Variants in ALPK2 observed in about 807,000 individuals in gnomAD.
ALPK2 encodes the protein alpha-protein kinase 2.
ALPK2 carries 127 observed loss-of-function variants against 163.1 expected under a neutral mutation model. That is an observed-to-expected ratio of 0.78 (90% CI 0.67 to 0.90). The LOEUF (loss-of-function observed/expected upper bound fraction) is 0.90. Ranked by LOEUF, ALPK2 falls within the 40% of genes least tolerant of loss-of-function variation. The pLI is 0.00. For missense variants in ALPK2, 2,360 were observed against 2,589.6 expected, an observed-to-expected ratio of 0.91 and a Z score of 1.92; for synonymous variants, 953 against 959.1, an observed-to-expected ratio of 0.99 and a Z score of 0.12.
intron 12 of ALPK2, among the ~76,000 whole-genome samples, chr18:58,496,252 C>A (rs1269555622): frequency 2.0e-5 from 3 of 152,176 alleles, no homozygotes; most frequent in Non-Finnish European, 4.4e-5. Flanking sequence ...CTGGGTCTCG[C>A]TCTAAATCCC....
At chr18:58,527,832 G>T (rs1347261620) in intron 6 of ALPK2, among the ~76,000 whole-genome samples, 14 of 152,302 alleles carry the variant, frequency 9.2e-5, no homozygotes, top group Non-Finnish European at 1.9e-4. Flanking sequence ...GCTCTGGAGT[G>T]ATGTTAGTAG....
chr18:58,573,832 T>A (rs1251255269), intron 4 of ALPK2, among the ~76,000 whole-genome samples: 1 of 151,920 alleles, frequency 6.6e-6, no homozygotes, highest in Non-Finnish European at 1.5e-5. Context: ...TAGTTAGGGA[T>A]GAGAAAAGCA....
chr18:58,532,537 G>A (rs577835029), intron 5 of ALPK2, among the ~76,000 whole-genome samples: 39 of 152,148 alleles, frequency 2.6e-4, no homozygotes, highest in Non-Finnish European at 3.8e-4. Context: ...TTTCAGAGAG[G>A]AGGAGCTGTG....
At chr18:58,503,197 A>G (rs2051441499) in intron 11 of ALPK2, among the ~76,000 whole-genome samples, 2 of 152,290 alleles carry the variant, frequency 1.3e-5, no homozygotes, top group African/African-American at 4.8e-5. Flanking sequence ...CATGCTATAC[A>G]TTCAGCAGAG....
chr18:58,559,962 C>T (rs1327283420), intron 4 of ALPK2, among the ~76,000 whole-genome samples: 5 of 152,132 alleles, frequency 3.3e-5, no homozygotes, highest in Non-Finnish European at 5.9e-5. Context: ...CTTTACAGTT[C>T]GGGAGGTCAG....
At chr18:58,547,868 T>C (rs1013696284) in intron 4 of ALPK2, among the ~76,000 whole-genome samples, 3 of 152,222 alleles carry the variant, frequency 2.0e-5, no homozygotes, top group African/African-American at 4.8e-5. Flanking sequence ...ACTGAAACTT[T>C]CCTGCAGATT....
At position 58,537,066 on chromosome 18, in the gene ALPK2, G is replaced by A. The variant is rs1049956314; in HGVS notation, c.3121C>T (p.Pro1041Ser). ...GAAACCTTTTCATGGGATGCACGAG[G>A]GAACCTCTCCTCAGTGCCACCTGCA... is the stretch of plus-strand genomic sequence containing the variant. ...KHAGGTEERF[P>S]RASHEKVSQF... The change falls in exon 5 of 13, where the codon CCT (proline) becomes TCT (serine). Residue 1041 changes from proline (P) to serine (S), a missense_variant. Transcript: ENST00000361673. 1 of 1,614,062 alleles carries A rather than the reference G, an allele frequency of 6.2e-7. No homozygotes were observed. The highest frequency in any genetic ancestry group is 1.3e-5 in the African/African-American group (1 of 74,926).
rs186265502 is a variant in ALPK2 at position 58,494,969 on chromosome 18, G to A, written c.6296+3080C>T. ...CGCCTCCCAGCATTGAGGATCTGCCGTTCACTTTGGGGTGCTGACTTCAAG... is the reference window on the plus strand; with the variant it reads ...CGCCTCCCAGCATTGAGGATCTGCCATTCACTTTGGGGTGCTGACTTCAAG... On this transcript the variant is annotated intron_variant, in intron 12 of 12. Coordinates refer to ENST00000361673, the MANE Select transcript of ALPK2 (RefSeq NM_052947.4). 1.5e-3 allele frequency among the ~76,000 whole-genome samples: 231 copies of A among 152,218 alleles called. 3 individuals are homozygous for A. Among genetic ancestry groups the A allele is most frequent in the Admixed American group, 0.013 (196 of 15,290 alleles).
In ALPK2 at chr18:58,579,129, C is replaced by T. The variant is rs72956648; in HGVS notation, c.1647G>A (p.Pro549=). 243 of 1,614,144 alleles carry T rather than the reference C, an allele frequency of 1.5e-4. No homozygotes were observed. Among genetic ancestry groups the T allele is most frequent in the Non-Finnish European group, 1.8e-4 (212 of 1,180,016 alleles). Residue 549 remains proline, a synonymous_variant, in exon 4 of 13, where the codon CCG becomes CCA. Coordinates refer to ENST00000361673, the MANE Select transcript of ALPK2 (RefSeq NM_052947.4). ...TTGTACTTTCTCTCAGGTTGGCATT[C>T]GGCTTCTTGGGATTTCCCTTCATTC... is the stretch of plus-strand genomic sequence containing the variant. The part of the protein sequence containing the change: ...QPGMKGNPKK[P]NANLRESTTE...
chr18:58,500,825 T>G (rs1474160199), intron 11 of ALPK2, among the ~76,000 whole-genome samples: 1 of 151,806 alleles, frequency 6.6e-6, no homozygotes, highest in Non-Finnish European at 1.5e-5. Context: ...GGTCTTGAGT[T>G]TTTTGGGTGA....
Position 58,524,024 on chromosome 18 carries a change from T to G in ALPK2, c.5540A>C (p.Gln1847Pro), listed in dbSNP as rs1373782949. 5 of 1,614,110 alleles carry G rather than the reference T, an allele frequency of 3.1e-6. No individual in the cohort carries two copies. Among genetic ancestry groups the G allele is most frequent in the East Asian group, 4.5e-5 (2 of 44,866 alleles). The change falls in exon 7 of 13, where the codon CAA becomes CCA. Residue 1847 changes from glutamine (Q) to proline (P), a missense_variant. By Grantham distance (76) the Gln-to-Pro change is moderately conservative. Transcript: ENST00000361673. Reference protein sequence around the residue: ...DNSTVSFAIVQASPKDQGLYY... With the variant: ...DNSTVSFAIVPASPKDQGLYY... Reference sequence around the variant, plus strand: ...GAGTCCCTGGTCCTTCGGACTGGCTTGCACGATGGCAAAGGAAACAGTGGA... The same window carrying G: ...GAGTCCCTGGTCCTTCGGACTGGCTGGCACGATGGCAAAGGAAACAGTGGA...
rs543706870 is a variant in ALPK2 at position 58,530,265 on chromosome 18, C to G, written c.5354-1027G>C. On this transcript the variant is annotated intron_variant, in intron 5 of 12. Transcript: ENST00000361673. ...GCATATTTAAAAGCTAATTCTCTAC[C>G]CTGGAAGTGATAATGGGCCTGTTGG... Among the ~76,000 whole-genome samples, 7 of 152,274 alleles carry G rather than the reference C, an allele frequency of 4.6e-5. No individual in the cohort carries two copies. The East Asian group carries it at 1.3e-3, about 29-fold the overall frequency.
chr18:58,575,707 C>G (rs766345596), intron 4 of ALPK2, among the ~76,000 whole-genome samples: 8 of 152,170 alleles, frequency 5.3e-5, no homozygotes, highest in Non-Finnish European at 7.3e-5. Context: ...GAAGATGATT[C>G]AAGTTAGCCT....
At chr18:58,554,920 A>G (rs554448811) in intron 4 of ALPK2, among the ~76,000 whole-genome samples, 8 of 152,282 alleles carry the variant, frequency 5.3e-5, no homozygotes, top group African/African-American at 1.9e-4. Flanking sequence ...ACAAGATCTA[A>G]TGGTTTTATA....
chr18:58,497,994 A>G (rs1342743795), intron 12 of ALPK2, 55 bp downstream of exon 12: 1 of 1,535,508 alleles, frequency 6.5e-7, no homozygotes, highest in East Asian at 2.3e-5. Flanking sequence ...GTCTGCCTGG[A>G]AGGTGTCTGT....
chr18:58,539,921 A>G (rs1459000931), intron 4 of ALPK2, among the ~76,000 whole-genome samples: 1 of 152,208 alleles, frequency 6.6e-6, no homozygotes, highest in African/African-American at 2.4e-5. Flanking sequence ...TTTTAAAGCT[A>G]CTTTGAGGTT....
intron 4 of ALPK2, 189 bp from the exon 5 acceptor site, chr18:58,538,413 ACT>A: frequency 1.8e-6 from 1 of 552,562 alleles, no homozygotes; most frequent in East Asian, 3.0e-5. Context: ...AATTTAAGCA[ACT>A]CTGTGTTCCA....
chr18:58,515,187 A>G lies in ALPK2; in HGVS notation c.5941-106T>C, dbSNP rs1046724327. The stretch of plus-strand genomic sequence containing the variant: ...TTTCCCAGTAAGGTAAAGCCAATGA[A>G]CTGACAAGCCCATCCCCTGGTTGGG... On this transcript the variant is annotated intron_variant, in intron 9 of 12. Transcript: ENST00000361673. The G allele has an allele frequency of 4.8e-6, 4 of 830,536 alleles. No homozygotes were observed. The African/African-American group carries it at 7.0e-5, about 14-fold the overall frequency. The allele number at this position is 830,536 out of a possible 1,614,324, so 51.4% of individuals were successfully genotyped here. A position where few individuals can be genotyped will look rare whatever the true frequency, so the allele number is the denominator to read the frequency against.
intron 4 of ALPK2, among the ~76,000 whole-genome samples, chr18:58,542,545 T>A (rs2051694984): frequency 6.6e-6 from 1 of 152,174 alleles, no homozygotes; most frequent in African/African-American, 2.4e-5. Context: ...ATAAGAGAAG[T>A]TCAATATAAA....
Sources: allele counts gnomAD v4.1 joint callset (sites outside exome capture counted in the v4.1 genomes callset), GRCh38; gene constraint gnomAD v4.1.1; transcripts MANE v1.5; gene names NCBI Gene and HGNC (gene_info 2026-07-23, HGNC 2026-07-21).